Variants in TJP1 observed in about 807,000 individuals in gnomAD.
The protein encoded by TJP1 is tight junction protein ZO-1.
TJP1 carries 43 observed loss-of-function variants against 194.2 expected under a neutral mutation model. The ratio of observed to expected loss-of-function variants is 0.22; its 90% CI spans 0.17 to 0.29. TJP1 has a LOEUF of 0.29. Ranked by LOEUF, TJP1 falls within the 10% of genes least tolerant of loss-of-function variation. TJP1 has a pLI of 1.00. For synonymous variants in TJP1, 801 were observed against 779.0 expected (o/e 1.03, Z -0.47); for missense variants, 1,971 against 2,185.7 (o/e 0.90, Z 1.96).
intron 2 of TJP1, among the ~76,000 whole-genome samples, chr15:29,946,497 C>CAT (rs2055287518): frequency 6.6e-6 from 1 of 152,222 alleles, no homozygotes; most frequent in Non-Finnish European, 1.5e-5. Context: ...TCAGGGCATG[C>CAT]GCCCTGATGC....
At chr15:29,741,176 A>T (rs1019038623) in intron 10 of TJP1, 155 bp downstream of exon 10, 2 of 596,722 alleles carry the variant, frequency 3.4e-6, no homozygotes, top group Non-Finnish European at 5.7e-6. Context: ...ACTATCATAT[A>T]TAAGTAGCAG....
At chr15:29,772,865 A>C (rs1393455141) in intron 3 of TJP1, among the ~76,000 whole-genome samples, 2 of 152,218 alleles carry the variant, frequency 1.3e-5, no homozygotes, top group Admixed American at 6.5e-5. Context: ...CTTAAGTTCA[A>C]GGGATTCTCC....
intron 5 of TJP1, among the ~76,000 whole-genome samples, chr15:29,763,747 G>A (rs2046152911): frequency 7.2e-6 from 1 of 139,756 alleles, no homozygotes; most frequent in Non-Finnish European, 1.5e-5. Context: ...AAGCCTGAGA[G>A]AGAGAGTGAG....
intron 2 of TJP1, among the ~76,000 whole-genome samples, chr15:29,793,314 C>T (rs1159405158): frequency 6.6e-6 from 1 of 152,102 alleles, no homozygotes; most frequent in Non-Finnish European, 1.5e-5. Flanking sequence ...TGAAGGGATG[C>T]TGAATTTTAC....
At chr15:29,952,244 A>G (rs2055776029) in intron 2 of TJP1, among the ~76,000 whole-genome samples, 1 of 152,212 alleles carries the variant, frequency 6.6e-6, no homozygotes, top group African/African-American at 2.4e-5. Flanking sequence ...ACATACACAG[A>G]ACAGAATTGT....
chr15:29,961,615 G>A (rs2056166783), intron 1 of TJP1, among the ~76,000 whole-genome samples: 1 of 152,170 alleles, frequency 6.6e-6, no homozygotes. Flanking sequence ...TGCATCAAAC[G>A]CTGAAGTCCA....
intron 2 of TJP1, among the ~76,000 whole-genome samples, chr15:29,896,850 T>C (rs903593719): frequency 1.4e-4 from 22 of 152,200 alleles, no homozygotes; most frequent in African/African-American, 5.1e-4. Flanking sequence ...TTAGGGTATC[T>C]GGCAGAAGAA....
intron 8 of TJP1, among the ~76,000 whole-genome samples, chr15:29,755,791 ACAAATGTAAATGGGTAGAATGC>A (rs2045606021): frequency 6.6e-6 from 1 of 152,186 alleles, no homozygotes; most frequent in Admixed American, 6.5e-5. Flanking sequence ...AATGAGTGTA[ACAAATGTAAATGGGTAGAATGC>A]CAAATGTAAA....
chr15:29,918,413 T>C (rs911051479), intron 2 of TJP1, among the ~76,000 whole-genome samples: 1 of 151,902 alleles, frequency 6.6e-6, no homozygotes, highest in Non-Finnish European at 1.5e-5. Context: ...GAAACCAAAA[T>C]AAATAAGGAG....
chr15:29,756,694 C>A (rs1240905195), intron 8 of TJP1, among the ~76,000 whole-genome samples: 2 of 152,098 alleles, frequency 1.3e-5, no homozygotes, highest in Non-Finnish European at 2.9e-5. Flanking sequence ...AACAATGGAA[C>A]GCTGGTAGAT....
chr15:29,773,201 T>C (rs2046802916), intron 3 of TJP1, 32 bp downstream of exon 3: 1 of 1,611,680 alleles, frequency 6.2e-7, no homozygotes, highest in Non-Finnish European at 8.5e-7. Flanking sequence ...CACTGCTTGT[T>C]GCACAGTGCC....
intron 2 of TJP1, among the ~76,000 whole-genome samples, chr15:29,781,343 T>TA (rs1288698918): frequency 1.3e-5 from 2 of 151,706 alleles, no homozygotes; most frequent in Non-Finnish European, 2.9e-5. Context: ...GCCTACCAAC[T>TA]AAAAAAAACC....
Position 29,934,747 on chromosome 15 carries a change from G to T in TJP1, c.306+21485C>A, listed in dbSNP as rs79760180. Among the ~76,000 whole-genome samples the T allele has an allele frequency of 7.0e-3, 1,063 of 152,248 alleles. 7 individuals carry two copies. The highest frequency in any genetic ancestry group is 0.01 in the Non-Finnish European group (703 of 68,018). On this transcript the variant is annotated intron_variant, in intron 2 of 28. Coordinates refer to the TJP1 transcript ENST00000356107. ...CTAAAGCCTACAACTGAAATATTTG[G>T]AACTTCTAAAGTAGTTTTCAACTTC...
intron 2 of TJP1, 35 bp downstream of exon 2, chr15:29,800,611 T>C (rs777663906): frequency 1.8e-5 from 29 of 1,610,316 alleles, no homozygotes; most frequent in Non-Finnish European, 2.3e-5. Flanking sequence ...GTATCCTGAG[T>C]TATACACAGA....
chr15:29,828,799 T>C (rs2050749899), intron 2 of TJP1, among the ~76,000 whole-genome samples: 1 of 151,530 alleles, frequency 6.6e-6, no homozygotes, highest in African/African-American at 2.4e-5. Context: ...AGTGGCTTGA[T>C]CTCTGCTCAC....
intron 2 of TJP1, among the ~76,000 whole-genome samples, chr15:29,903,677 C>A (rs988362208): frequency 2.6e-5 from 4 of 152,178 alleles, no homozygotes; most frequent in African/African-American, 9.6e-5. Context: ...ATCTCCCGAC[C>A]TTGTGATCCG....
At chr15:29,783,794 C>G (rs2047525367) in intron 2 of TJP1, among the ~76,000 whole-genome samples, 1 of 152,108 alleles carries the variant, frequency 6.6e-6, no homozygotes, top group Non-Finnish European at 1.5e-5. Flanking sequence ...ACACTGGGGA[C>G]TACCGGAGGG....
chr15:29,875,393 C>G (rs1004144502), intron 2 of TJP1, among the ~76,000 whole-genome samples: 7 of 152,112 alleles, frequency 4.6e-5, no homozygotes, highest in African/African-American at 1.4e-4. Flanking sequence ...TTACAGCCGG[C>G]CTTATTGTCT....
At chr15:29,901,798 G>A (rs1162807189) in intron 2 of TJP1, among the ~76,000 whole-genome samples, 5 of 149,252 alleles carry the variant, frequency 3.4e-5, no homozygotes, top group African/African-American at 1.2e-4. Context: ...TCCAGCCTGG[G>A]CAACAGAGCG....
Sources: allele counts gnomAD v4.1 joint callset (sites outside exome capture counted in the v4.1 genomes callset), GRCh38; gene constraint gnomAD v4.1.1; transcripts MANE v1.5; gene names NCBI Gene and HGNC (gene_info 2026-07-23, HGNC 2026-07-21).